CASZ1: variants seen among roughly 807,000 people sequenced by gnomAD.
CASZ1 encodes zinc finger protein castor homolog 1.
Under a neutral mutation model 135.2 loss-of-function variants are expected in CASZ1, and 28 were observed. That is an observed-to-expected ratio of 0.21 (90% confidence interval 0.15 to 0.28). CASZ1 has a LOEUF of 0.28. Ranked by LOEUF, CASZ1 falls within the 10% of genes least tolerant of loss-of-function variation. The pLI is 1.00. For missense variants in CASZ1, 2,161 were observed against 2,453.3 expected, an observed-to-expected ratio of 0.88 and a Z score of 2.52; for synonymous variants, 1,068 against 1,073.4, an observed-to-expected ratio of 0.99 and a Z score of 0.10.
intron 3 of CASZ1, among the ~76,000 whole-genome samples, chr1:10,702,765 G>A (rs1427347874): frequency 6.6e-6 from 1 of 152,230 alleles, no homozygotes; most frequent in African/African-American, 2.4e-5. Context: ...CAAGAGAGAT[G>A]TCAATGGGGC....
chr1:10,743,810 C>A (rs12026593), intron 2 of CASZ1, among the ~76,000 whole-genome samples: 1 of 138,092 alleles, frequency 7.2e-6, no homozygotes, highest in Non-Finnish European at 1.5e-5. Context: ...TTTAGGTACC[C>A]GATGAGCAGA....
At chr1:10,723,659 C>A (rs1639544807) in intron 2 of CASZ1, among the ~76,000 whole-genome samples, 2 of 152,208 alleles carry the variant, frequency 1.3e-5, no homozygotes, top group African/African-American at 4.8e-5. Context: ...GGAAAGGACC[C>A]TCCAGGGCAT....
chr1:10,654,298 C>A, intron 10 of CASZ1, 80 bp from the exon 11 acceptor site: 2 of 1,579,854 alleles, frequency 1.3e-6, no homozygotes, highest in South Asian at 1.2e-5. Flanking sequence ...GAGGGACAGT[C>A]CCCCGGGTGG....
At chr1:10,642,743 AGCCTGTCCTCCTCGGAG>A in intron 20 of CASZ1, 99 bp downstream of exon 20, 4 of 1,196,938 alleles carry the variant, frequency 3.3e-6, no homozygotes, top group Non-Finnish European at 4.6e-6. Context: ...GCTGCACGCC[AGCCTGTCCTCCTCGGAG>A]GCCGCGTGCC....
At chr1:10,740,960 C>CAAAAAAAAAAAAAA (rs374464130) in intron 2 of CASZ1, among the ~76,000 whole-genome samples, 1 of 61,478 alleles carries the variant, frequency 1.6e-5, no homozygotes, top group East Asian at 5.2e-4. Flanking sequence ...CCTGTCTGGA[C>CAAAAAAAAAAAAAA]AAAAAAAAAA....
chr1:10,650,802 G>T (rs1642546899), intron 12 of CASZ1, 47 bp from the exon 13 acceptor site: 1 of 1,601,262 alleles, frequency 6.2e-7, no homozygotes, highest in African/African-American at 1.3e-5. Context: ...GCCGGGGCCT[G>T]GGCCCTGGGG....
intron 4 of CASZ1, among the ~76,000 whole-genome samples, chr1:10,670,709 A>C (rs1643371570): frequency 6.6e-6 from 1 of 152,222 alleles, no homozygotes; most frequent in South Asian, 2.1e-4. Flanking sequence ...GAGGTGCCAC[A>C]GGAGTGGCAG....
Position 10,640,035 on chromosome 1 carries a change from G to C in CASZ1, c.4187C>G (p.Ala1396Gly), listed in dbSNP as rs1179926629. 4.4e-6 allele frequency: 7 copies of C among 1,609,104 alleles called. No individual in the cohort carries two copies. Among genetic ancestry groups the C allele is most frequent in the Non-Finnish European group, 5.1e-6 (6 of 1,179,634 alleles). ...CCAGAAGCGCTTTTTGGCCCCCGAG[G>C]CTGTCGGCATAGAGATGGTGTTCCC... ...AAGNTISMPT[A>G]SGAKKRFWII... The change falls in exon 21 of 21, where the codon GCC becomes GGC. Residue 1396 changes from alanine to glycine, a missense_variant. Physicochemically the swap from Ala to Gly is moderately conservative, Grantham distance 60. Coordinates refer to ENST00000377022, the MANE Select transcript of CASZ1 (RefSeq NM_001079843.3).
chr1:10,704,837 C>T (rs928691426), intron 3 of CASZ1, among the ~76,000 whole-genome samples: 11 of 152,362 alleles, frequency 7.2e-5, no homozygotes, highest in Admixed American at 2.6e-4. Flanking sequence ...CGCGGTTTCT[C>T]GCGCCACCAC....
intron 4 of CASZ1, among the ~76,000 whole-genome samples, chr1:10,682,559 G>T (rs1045890857): frequency 6.6e-6 from 1 of 152,190 alleles, no homozygotes; most frequent in Non-Finnish European, 1.5e-5. Context: ...CAAAATGTCA[G>T]GGTTTATAGC....
intron 13 of CASZ1, chr1:10,649,662 T>C: frequency 1.9e-6 from 1 of 536,582 alleles, no homozygotes; most frequent in Non-Finnish European, 3.3e-6. Flanking sequence ...TCCTCAGGGC[T>C]CCTCCACATG....
Position 10,724,443 on chromosome 1 carries a change from C to G in CASZ1, c.-76-18899G>C, listed in dbSNP as rs766574489. 6.6e-6 allele frequency among the ~76,000 whole-genome samples: 1 copy of G among 152,184 alleles called. No homozygotes were observed. The highest frequency in any genetic ancestry group is 1.5e-5 in the Non-Finnish European group (1 of 68,038). ...AAATAAGGTAACCTGAGCTATTAAA[C>G]CCGGGGGCCAGGTGGTACCTACCAG... On this transcript the variant is annotated intron_variant, in intron 2 of 20. Transcript: ENST00000377022. This position sits in a 1 kb window ranked among gnomAD's most constrained non-coding sequence, Gnocchi z 4.1.
At position 10,701,467 on chromosome 1, in the gene CASZ1, G is replaced by T. The variant is rs1425772717; in HGVS notation, c.-24+4025C>A. 1.3e-5 allele frequency among the ~76,000 whole-genome samples: 2 copies of T among 152,288 alleles called. No homozygotes were observed. The highest frequency in any genetic ancestry group is 4.8e-5 in the African/African-American group (2 of 41,540). On this transcript the variant is annotated intron_variant, in intron 3 of 20. Transcript: ENST00000377022. This position sits in a 1 kb window ranked among gnomAD's most constrained non-coding sequence, Gnocchi z 6.3. Reference sequence around the variant, plus strand: ...CCCCAAAATCCTTGGGAGAGGATGGGAAGGACTTAGGTCCAGCCCCCTCTC... The same window carrying T: ...CCCCAAAATCCTTGGGAGAGGATGGTAAGGACTTAGGTCCAGCCCCCTCTC...
At position 10,699,856 on chromosome 1, in the gene CASZ1, G is replaced by T. The variant is rs1413685923; in HGVS notation, c.-24+5636C>A. On this transcript the variant is annotated intron_variant, in intron 3 of 20. Coordinates refer to ENST00000377022, the MANE Select transcript of CASZ1 (RefSeq NM_001079843.3). The surrounding 1 kb of genome is among the most constrained non-coding windows in gnomAD (Gnocchi z 4.6). Reference sequence around the variant, plus strand: ...TTTCCCAGTTTTTGTGAGTTCAAGAGTGTGGCCACAAAAACTTTAAAAAAA... The same window carrying T: ...TTTCCCAGTTTTTGTGAGTTCAAGATTGTGGCCACAAAAACTTTAAAAAAA... Among the ~76,000 whole-genome samples the T allele has an allele frequency of 6.6e-6, 1 of 152,040 alleles. No homozygotes were observed. Among genetic ancestry groups the T allele is most frequent in the African/African-American group, 2.4e-5 (1 of 41,368 alleles).
rs907313955 is a variant in CASZ1, at chr1:10,767,922, A to G, written c.-233-7065T>C. 2.0e-5 allele frequency among the ~76,000 whole-genome samples: 3 copies of G among 152,156 alleles called. No homozygotes were observed. The highest frequency in any genetic ancestry group is 2.0e-4 in the Admixed American group (3 of 15,276). The stretch of plus-strand genomic sequence containing the variant: ...CGCCCACTCCAACCCTAGTCACAGG[A>G]GGGTCACCCACCATTGCAAGGTCTT... On this transcript the variant is annotated intron_variant, in intron 1 of 20. Transcript: ENST00000377022. The surrounding 1 kb of genome is among the most constrained non-coding windows in gnomAD (Gnocchi z 4.2).
rs963467115 is a variant in CASZ1, at chr1:10,726,445, C to T, written c.-76-20901G>A. Among the ~76,000 whole-genome samples the T allele has an allele frequency of 2.0e-5, 3 of 152,322 alleles. No homozygotes were observed. Among genetic ancestry groups the T allele is most frequent in the Non-Finnish European group, 2.9e-5 (2 of 68,018 alleles). ...CCATCACAGTCCTCCTGGCTGGAGC[C>T]GGAGGGAGGAGGAGGGCGGTGTAGT... On this transcript the variant is annotated intron_variant, in intron 2 of 20. Transcript: ENST00000377022. This position sits in a 1 kb window ranked among gnomAD's most constrained non-coding sequence, Gnocchi z 5.7.
Position 10,727,956 on chromosome 1 carries a change from C to T in CASZ1, c.-76-22412G>A, listed in dbSNP as rs1639627783. 6.6e-6 allele frequency among the ~76,000 whole-genome samples: 1 copy of T among 152,250 alleles called. No individual in the cohort carries two copies. Among genetic ancestry groups the T allele is most frequent in the Non-Finnish European group, 1.5e-5 (1 of 68,040 alleles). On this transcript the variant is annotated intron_variant, in intron 2 of 20. Coordinates refer to ENST00000377022, the MANE Select transcript of CASZ1 (RefSeq NM_001079843.3). This position sits in a 1 kb window ranked among gnomAD's most constrained non-coding sequence, Gnocchi z 5.3. The stretch of plus-strand genomic sequence containing the variant: ...GTTGAACTAACCCCGGGCGCGATGC[C>T]ACGTGCCCAGAAACTGGGCATCTGC...
At chr1:10,675,943 G>T (rs1229179987) in intron 4 of CASZ1, among the ~76,000 whole-genome samples, 2 of 152,206 alleles carry the variant, frequency 1.3e-5, no homozygotes, top group Non-Finnish European at 2.9e-5. Context: ...GCAGGGCTAG[G>T]CCTGTTACCC....
intron 1 of CASZ1, among the ~76,000 whole-genome samples, chr1:10,789,424 A>G (rs1570595270): frequency 6.9e-6 from 1 of 145,034 alleles, no homozygotes; most frequent in East Asian, 2.1e-4. Flanking sequence ...TCTCACCTTG[A>G]GAAGTGTTAG....
Sources: allele counts gnomAD v4.1 joint callset (sites outside exome capture counted in the v4.1 genomes callset), GRCh38; gene constraint gnomAD v4.1.1; non-coding constraint Gnocchi (gnomAD v3.1); transcripts MANE v1.5; gene names NCBI Gene and HGNC (gene_info 2026-07-23, HGNC 2026-07-21).